GNPTAB: variants seen among roughly 807,000 people sequenced by gnomAD.
GNPTAB encodes N-acetylglucosamine-1-phosphate transferase subunits alpha and beta, also known as N-acetylglucosamine-1-phosphotransferase subunits alpha/beta.
Under a neutral mutation model 136.6 loss-of-function variants are expected in GNPTAB, and 92 were observed. The observed-to-expected ratio is 0.67, with a 90% CI of 0.57 to 0.80. The LOEUF (loss-of-function observed/expected upper bound fraction) is 0.80. Among genes scored for constraint, GNPTAB ranks in the 30% least tolerant of loss-of-function variants. The pLI, the probability that GNPTAB is intolerant of heterozygous loss-of-function variation, is 0.00. For missense variants in GNPTAB, 1,343 were observed against 1,501.8 expected (o/e 0.89, Z 1.75); for synonymous variants, 512 against 535.1 (o/e 0.96, Z 0.60).
Position 101,770,525 on chromosome 12 carries a change from A to T in GNPTAB, c.994T>A (p.Ser332Thr). Residue 332 changes from serine (S) to threonine (T), a missense_variant, in exon 9 of 21, where the codon TCA (serine) becomes ACA (threonine). Transcript: ENST00000299314. ...GCATGCCTCTCGATAGATCGCAATG[A>T]GTACCTCAGTTCTTCGTTATCTTCA... ...RFEDNEELRY[S>T]LRSIERHAPW... The T allele has an allele frequency of 6.2e-7, 1 of 1,613,334 alleles. No individual in the cohort carries two copies. Among genetic ancestry groups the T allele is most frequent in the Non-Finnish European group, 8.5e-7 (1 of 1,179,276 alleles).
At chr12:101,817,668 A>T (rs1031871940) in intron 1 of GNPTAB, among the ~76,000 whole-genome samples, 13 of 152,140 alleles carry the variant, frequency 8.5e-5, no homozygotes, top group Non-Finnish European at 1.3e-4. Context: ...AAAGTAATTA[A>T]TTTTTTAAAT....
chr12:101,761,593 G>A lies in GNPTAB; in HGVS notation c.2886C>T (p.Asp962=), dbSNP rs368650569. 1.9e-4 allele frequency: 302 copies of A among 1,614,002 alleles called. No individual in the cohort carries two copies. The highest frequency in any genetic ancestry group is 2.5e-4 in the Non-Finnish European group (290 of 1,180,002). The change falls in exon 14 of 21, where the codon GAC becomes GAT. Residue 962 remains aspartate, a synonymous_variant. Transcript: ENST00000299314. ...CTTGCAGTTCTTGCATAACAATCCG[G>A]TCAATCATGTGAGGCATGTGAGCAG... ...KVPAHMPHMI[D]RIVMQELQDM...
Position 101,761,222 on chromosome 12 carries a change from A to G in GNPTAB, c.3040T>C (p.Phe1014Leu). ...GATTGATCTGTATCAACTTCATCAA[A>G]GACTTGAGATATATTCAGTGGCTGC... ...AVQPLNISQV[F>L]DEVDTDQSGV... The change falls in exon 15 of 21, where the codon TTT becomes CTT. Residue 1014 changes from phenylalanine (F) to leucine (L), a missense_variant. Physicochemically the swap from Phe to Leu is conservative, Grantham distance 22. Coordinates refer to ENST00000299314, the MANE Select transcript of GNPTAB (RefSeq NM_024312.5). 6.2e-7 allele frequency: 1 copy of G among 1,614,044 alleles called. No homozygotes were observed. The highest frequency in any genetic ancestry group is 1.1e-5 in the South Asian group (1 of 91,086).
chr12:101,803,958 A>G (rs1416448738), intron 1 of GNPTAB, among the ~76,000 whole-genome samples: 3 of 152,086 alleles, frequency 2.0e-5, no homozygotes, highest in African/African-American at 2.4e-5. Context: ...CTGTCTAGGC[A>G]TGGTGGCTCG....
intron 1 of GNPTAB, among the ~76,000 whole-genome samples, chr12:101,809,684 G>T (rs988521322): frequency 1.3e-5 from 2 of 152,178 alleles, no homozygotes; most frequent in Admixed American, 1.3e-4. Flanking sequence ...TCCAAGAAAT[G>T]ACATTCTGGA....
intron 16 of GNPTAB, among the ~76,000 whole-genome samples, chr12:101,759,138 C>T (rs865964890): frequency 2.0e-5 from 3 of 152,032 alleles, no homozygotes; most frequent in Admixed American, 6.5e-5. Context: ...CTAAGGCAGG[C>T]GTATCACAAG....
chr12:101,786,871 G>C (rs1367621486), intron 4 of GNPTAB, among the ~76,000 whole-genome samples: 1 of 152,082 alleles, frequency 6.6e-6, no homozygotes, highest in Non-Finnish European at 1.5e-5. Context: ...ACATGTAAAA[G>C]AAAACAATGA....
chr12:101,826,831 T>C (rs919241189), intron 1 of GNPTAB, among the ~76,000 whole-genome samples: 1 of 152,150 alleles, frequency 6.6e-6, no homozygotes, highest in Non-Finnish European at 1.5e-5. Flanking sequence ...GTCAATCTAG[T>C]AACACCATTT....
chr12:101,822,369 G>A (rs540646819), intron 1 of GNPTAB, among the ~76,000 whole-genome samples: 1 of 152,144 alleles, frequency 6.6e-6, no homozygotes, highest in Admixed American at 6.5e-5. Flanking sequence ...AGCCGAGATC[G>A]CGCCACTGCA....
At chr12:101,808,534 T>TC (rs1056909289) in intron 1 of GNPTAB, among the ~76,000 whole-genome samples, 26 of 151,998 alleles carry the variant, frequency 1.7e-4, no homozygotes, top group Admixed American at 1.3e-3. Context: ...AGAGCAAGAC[T>TC]CCGTCTCCAA....
intron 7 of GNPTAB, chr12:101,778,904 C>CA (rs58044314): frequency 0.029 from 3,867 of 131,588 alleles, 169 homozygotes; most frequent in African/African-American, 0.099. Flanking sequence ...AGACTCTCTC[C>CA]AAAAAAAAAA....
intron 2 of GNPTAB, chr12:101,795,866 G>GAA (rs903859539): frequency 1.5e-4 from 27 of 182,434 alleles, no homozygotes; most frequent in African/African-American, 6.1e-4. Context: ...ACAAAAACCA[G>GAA]AAAGGACTTG....
At chr12:101,761,513 T>G in intron 14 of GNPTAB, 51 bp downstream of exon 14, 1 of 1,530,610 alleles carries the variant, frequency 6.5e-7, no homozygotes. Context: ...ACATTTCAAG[T>G]AGCCTTAGTT....
intron 1 of GNPTAB, among the ~76,000 whole-genome samples, chr12:101,814,805 T>C (rs1235540285): frequency 6.6e-6 from 1 of 152,204 alleles, no homozygotes; most frequent in East Asian, 1.9e-4. Flanking sequence ...GAAACGGTAC[T>C]TTGTAATTTT....
chr12:101,755,848 A>G (rs527367081), intron 18 of GNPTAB, among the ~76,000 whole-genome samples: 1 of 152,350 alleles, frequency 6.6e-6, no homozygotes, highest in Admixed American at 6.5e-5. Context: ...GTGTCTTTTT[A>G]CTAAACCCCT....
chr12:101,817,834 A>T (rs941857746), intron 1 of GNPTAB, among the ~76,000 whole-genome samples: 1 of 152,130 alleles, frequency 6.6e-6, no homozygotes, highest in Non-Finnish European at 1.5e-5. Context: ...ATTCTGAAGC[A>T]TTATACTTGA....
At chr12:101,761,469 T>C (rs1952993791) in intron 14 of GNPTAB, 95 bp downstream of exon 14, 1 of 1,432,024 alleles carries the variant, frequency 7.0e-7, no homozygotes, top group East Asian at 2.3e-5. Context: ...AGTCATCAAA[T>C]ATTAGAGCTA....
At chr12:101,823,162 A>G (rs1870904240) in intron 1 of GNPTAB, among the ~76,000 whole-genome samples, 1 of 152,204 alleles carries the variant, frequency 6.6e-6, no homozygotes, top group Admixed American at 6.5e-5. Context: ...AGGAACACCA[A>G]ACTGTTAGAG....
intron 7 of GNPTAB, chr12:101,773,176 G>A (rs757754958): frequency 1.2e-5 from 3 of 250,686 alleles, no homozygotes; most frequent in Non-Finnish European, 2.4e-5. Flanking sequence ...TCAATTTCTA[G>A]ATCACTTTCC....
Sources: gnomAD v4.1 joint callset for allele counts (sites outside exome capture counted in the v4.1 genomes callset) on GRCh38, gnomAD v4.1.1 for gene constraint, MANE v1.5 for transcripts, NCBI Gene and HGNC (gene_info 2026-07-23, HGNC 2026-07-21) for gene names.